ZNF518A: variants seen among roughly 807,000 people sequenced by gnomAD.
ZNF518A encodes the protein zinc finger protein 518.
In ZNF518A, 47 loss-of-function variants were observed where a neutral mutation model predicts 102.7. The ratio of observed to expected loss-of-function variants is 0.46; its 90% CI spans 0.36 to 0.58. ZNF518A has a LOEUF of 0.58. Ranked by LOEUF, ZNF518A falls within the 20% of genes least tolerant of loss-of-function variation. The pLI is 0.00. For synonymous variants in ZNF518A, 652 were observed against 594.6 expected, an observed-to-expected ratio of 1.10 and a Z score of -1.40; for missense variants, 1,793 against 1,699.8, an observed-to-expected ratio of 1.05 and a Z score of -0.96.
At chr10:96,129,904 G>A (rs1357385137), upstream of ZNF518A, 1 of 152,542 alleles carries the variant, frequency 6.6e-6, no homozygotes, top group African/African-American at 2.4e-5. Context: ...GCTAGATGGA[G>A]AGGTCAGCGG....
At chr10:96,139,769 A>G (rs2081818705) in intron 3 of ZNF518A, among the ~76,000 whole-genome samples, 1 of 152,204 alleles carries the variant, frequency 6.6e-6, no homozygotes, top group Admixed American at 6.5e-5. Context: ...GGATGTTTTC[A>G]TTCATGTTAG....
intron 1 of ZNF518A, among the ~76,000 whole-genome samples, chr10:96,192,687 A>G (rs1208114718): frequency 6.6e-6 from 1 of 152,038 alleles, no homozygotes; most frequent in Non-Finnish European, 1.5e-5. Context: ...ATACATACTT[A>G]TTTTTCCAAA....
intron 1 of ZNF518A, among the ~76,000 whole-genome samples, chr10:96,198,294 C>T (rs1423159097): frequency 1.3e-5 from 2 of 152,178 alleles, no homozygotes; most frequent in Admixed American, 6.5e-5. Context: ...AGATCCAAAA[C>T]GCATGTAAAT....
chr10:96,161,024 G>T lies in ZNF518A; in HGVS notation c.*250G>T. The T allele has an allele frequency of 2.7e-6, 1 of 371,520 alleles. No individual in the cohort carries two copies. The highest frequency in any genetic ancestry group is 4.6e-5 in the Admixed American group (1 of 21,670). 23.0% of individuals were successfully genotyped at this position (371,520 alleles called of 1,614,324 possible). On this transcript the variant is annotated 3_prime_UTR_variant, in exon 6 of 6. Coordinates refer to ENST00000316045, the MANE Select transcript of ZNF518A (RefSeq NM_001330736.2). ...TACCTTGATTTAATTTTTTAAACGT[G>T]TTCTCGGGAAGTTAGGGCTAAAGAA...
At position 96,191,970 on chromosome 10, in the gene ZNF518A, C is replaced by T. The variant is rs1391778547; in HGVS notation, n.36-11604C>T. On this transcript the variant is annotated intron_variant and non_coding_transcript_variant, in intron 1 of 2. Transcript: ENST00000442635. Reference sequence around the variant, plus strand: ...CAATGGTATTGATCTTTTTTTTCCCCCTTTATGAAACTTTAACTGCATACT... The same window carrying T: ...CAATGGTATTGATCTTTTTTTTCCCTCTTTATGAAACTTTAACTGCATACT... 7.4e-6 allele frequency: 12 copies of T among 1,613,092 alleles called. No individual in the cohort carries two copies. In the East Asian group the frequency reaches 2.5e-4, roughly 33 times the overall value.
In ZNF518A at chr10:96,158,643, A is replaced by G; in HGVS notation, c.2321A>G (p.Gln774Arg). The change falls in exon 6 of 6, where the codon CAG becomes CGG. Residue 774 changes from glutamine to arginine, a missense_variant. Coordinates refer to ENST00000316045, the MANE Select transcript of ZNF518A (RefSeq NM_001330736.2). ...ITSVFSLQSQ[Q>R]ASEFLPPEVN... ...TCTGTTTTCTCTCTCCAGAGCCAAC[A>G]GGCATCAGAATTTCTGCCACCTGAA... The G allele has an allele frequency of 6.2e-7, 1 of 1,613,374 alleles. No individual in the cohort carries two copies. The highest frequency in any genetic ancestry group is 2.2e-5 in the East Asian group (1 of 44,856).
At chr10:96,155,204 G>A (rs2082643226) in intron 3 of ZNF518A, 122 bp from the exon 4 acceptor site, 2 of 152,132 alleles carry the variant, frequency 1.3e-5, no homozygotes, top group Admixed American at 1.3e-4. Flanking sequence ...TAGAGTAATA[G>A]TGGTAGCTGT....
chr10:96,154,751 C>G (rs1167808198), intron 3 of ZNF518A, among the ~76,000 whole-genome samples: 1 of 152,088 alleles, frequency 6.6e-6, no homozygotes, highest in Non-Finnish European at 1.5e-5. Flanking sequence ...GTTACCTTTT[C>G]TTTGTAATAC....
At chr10:96,172,015 A>G (rs1398727466) in intron 1 of ZNF518A, among the ~76,000 whole-genome samples, 1 of 152,158 alleles carries the variant, frequency 6.6e-6, no homozygotes, top group Non-Finnish European at 1.5e-5. Context: ...TTTGAAATAG[A>G]AACAAAACTG....
chr10:96,178,968 T>A (rs1192248347), intron 1 of ZNF518A, among the ~76,000 whole-genome samples: 2 of 152,140 alleles, frequency 1.3e-5, no homozygotes, highest in Non-Finnish European at 2.9e-5. Flanking sequence ...ATTGGTGAAC[T>A]CTATCAAATG....
At chr10:96,137,138 C>G (rs1328583326) in intron 3 of ZNF518A, among the ~76,000 whole-genome samples, 2 of 152,234 alleles carry the variant, frequency 1.3e-5, no homozygotes, top group Non-Finnish European at 2.9e-5. Context: ...ATCCTCCCCT[C>G]TAGTTACTAT....
chr10:96,199,517 A>C (rs2083570605), intron 1 of ZNF518A: 1 of 461,840 alleles, frequency 2.2e-6, no homozygotes, highest in Non-Finnish European at 4.4e-6. Flanking sequence ...TTTGGAGGGC[A>C]GTGGAGGCTG....
intron 1 of ZNF518A, among the ~76,000 whole-genome samples, chr10:96,172,055 T>A (rs2133883918): frequency 6.6e-6 from 1 of 152,254 alleles, no homozygotes; most frequent in Admixed American, 6.5e-5. Flanking sequence ...AAATGGATAT[T>A]TCAAATAAGC....
chr10:96,154,433 CT>C (rs1225003248), intron 3 of ZNF518A, among the ~76,000 whole-genome samples: 3 of 151,324 alleles, frequency 2.0e-5, no homozygotes, highest in Admixed American at 6.6e-5. Context: ...TCCTTCTTTT[CT>C]TTTTTTTCCT....
chr10:96,168,983 CTCTT>C (rs1480279853), intron 1 of ZNF518A, among the ~76,000 whole-genome samples: 13 of 151,998 alleles, frequency 8.6e-5, no homozygotes, highest in African/African-American at 1.7e-4. Flanking sequence ...CTTTTTTTCT[CTCTT>C]TCTGAGACTC....
downstream of ZNF518A, among the ~76,000 whole-genome samples, chr10:96,166,889 A>G (rs1051952609): frequency 3.9e-5 from 6 of 152,226 alleles, no homozygotes; most frequent in African/African-American, 1.2e-4. Flanking sequence ...GAGAACTTCT[A>G]AACTACAAGT....
upstream of ZNF518A, chr10:96,129,808 C>CCATTTT (rs1462250340): frequency 6.6e-6 from 1 of 152,310 alleles, no homozygotes; most frequent in East Asian, 1.9e-4. Context: ...CGTTTGTCTG[C>CCATTTT]CATTTCACCG....
intron 3 of ZNF518A, among the ~76,000 whole-genome samples, chr10:96,137,810 A>G (rs1374386034): frequency 1.3e-5 from 2 of 152,138 alleles, no homozygotes; most frequent in East Asian, 1.9e-4. Flanking sequence ...TAACTCCCCA[A>G]ATTTCATCAT....
At chr10:96,194,613 A>G (rs893230703) in intron 1 of ZNF518A, among the ~76,000 whole-genome samples, 2 of 152,222 alleles carry the variant, frequency 1.3e-5, no homozygotes, top group Non-Finnish European at 2.9e-5. Context: ...AGGGGTTAAT[A>G]TCCAGAAACA....
Sources: gnomAD v4.1 joint callset for allele counts (sites outside exome capture counted in the v4.1 genomes callset) on GRCh38, gnomAD v4.1.1 for gene constraint, MANE v1.5 for transcripts, NCBI Gene and HGNC (gene_info 2026-07-23, HGNC 2026-07-21) for gene names.